KCNN2: variants seen among roughly 807,000 people sequenced by gnomAD.
KCNN2 encodes the protein potassium calcium-activated channel subfamily N member 2.
In KCNN2, 24 loss-of-function variants were observed where a neutral mutation model predicts 55.5. The observed-to-expected ratio is 0.43, with a 90% CI of 0.31 to 0.61. KCNN2 has a LOEUF of 0.61. Among genes scored for constraint, KCNN2 ranks in the 20% least tolerant of loss-of-function variants. The pLI, the probability that KCNN2 is intolerant of heterozygous loss-of-function variation, is 0.08. For missense variants in KCNN2, 754 were observed against 853.6 expected (o/e 0.88, Z 1.45); for synonymous variants, 431 against 336.1 (o/e 1.28, Z -3.09).
chr5:114,395,065 G>A (rs1333580012), intron 2 of KCNN2, among the ~76,000 whole-genome samples: 1 of 152,170 alleles, frequency 6.6e-6, no homozygotes, highest in African/African-American at 2.4e-5. Flanking sequence ...GTAAACCCAA[G>A]ATGTTTAATG....
At chr5:114,422,537 T>C (rs190295813) in intron 3 of KCNN2, among the ~76,000 whole-genome samples, 46 of 152,292 alleles carry the variant, frequency 3.0e-4, no homozygotes, top group Admixed American at 7.2e-4. Flanking sequence ...TATTCTGATA[T>C]AGCAGCTCAA....
intron 3 of KCNN2, among the ~76,000 whole-genome samples, chr5:114,414,280 T>A (rs1202471094): frequency 6.6e-6 from 1 of 152,226 alleles, no homozygotes; most frequent in Non-Finnish European, 1.5e-5. Flanking sequence ...TGTTAAGCTT[T>A]TATAACCTTA....
chr5:114,068,583 C>T (rs763499906), intron 1 of KCNN2, among the ~76,000 whole-genome samples: 9 of 152,122 alleles, frequency 5.9e-5, no homozygotes, highest in Admixed American at 2.0e-4. Flanking sequence ...TCACACATAG[C>T]ACTCACTGAT....
At chr5:114,113,780 G>A (rs1274075628) in intron 1 of KCNN2, among the ~76,000 whole-genome samples, 1 of 152,034 alleles carries the variant, frequency 6.6e-6, no homozygotes, top group African/African-American at 2.4e-5. Flanking sequence ...GTTCATCTTG[G>A]TGCCAACTTT....
At chr5:114,367,933 T>G (rs1005485501) in intron 2 of KCNN2, among the ~76,000 whole-genome samples, 9 of 152,232 alleles carry the variant, frequency 5.9e-5, no homozygotes, top group Non-Finnish European at 1.0e-4. Flanking sequence ...TCATGGGTCC[T>G]GGAAGAATGG....
At chr5:114,424,511 T>G (rs1478157460) in intron 3 of KCNN2, among the ~76,000 whole-genome samples, 2 of 152,236 alleles carry the variant, frequency 1.3e-5, no homozygotes, top group Non-Finnish European at 2.9e-5. Context: ...CTTCAGAAAC[T>G]CAGCTAGAGA....
At chr5:114,293,243 TGA>T (rs1755934849) in intron 2 of KCNN2, among the ~76,000 whole-genome samples, 1 of 152,176 alleles carries the variant, frequency 6.6e-6, no homozygotes, top group African/African-American at 2.4e-5. Flanking sequence ...ATAGGAGTGG[TGA>T]GAGAGGGCAT....
chr5:114,355,998 G>C (rs760011224), intron 2 of KCNN2, among the ~76,000 whole-genome samples: 3 of 152,098 alleles, frequency 2.0e-5, no homozygotes, highest in Non-Finnish European at 4.4e-5. Flanking sequence ...CAATAGTTAA[G>C]GATCAGAGAA....
chr5:114,385,519 G>GCGCGCACA lies in KCNN2; in HGVS notation c.1219-18918_1219-18917insGCGCACAC, dbSNP rs1458678711. Among the ~76,000 whole-genome samples, 440 of 143,448 alleles carry GCGCGCACA rather than the reference G, an allele frequency of 3.1e-3. 3 individuals carry two copies. Among genetic ancestry groups the GCGCGCACA allele is most frequent in the African/African-American group, 9.4e-3 (355 of 37,872 alleles). 94.1% of individuals were successfully genotyped at this position (143,448 alleles called of 152,430 possible). On this transcript the variant is annotated intron_variant, in intron 2 of 7. Transcript: ENST00000673685. The stretch of plus-strand genomic sequence containing the variant: ...TTATTGACAGCATACACACATGCGC[G>GCGCGCACA]CACACACACACACACACACACACAC...
intron 1 of KCNN2, among the ~76,000 whole-genome samples, chr5:114,177,001 T>C (rs1753143312): frequency 6.6e-6 from 1 of 152,166 alleles, no homozygotes; most frequent in African/African-American, 2.4e-5. Flanking sequence ...TCTTCTCATG[T>C]CTGAAAAACT....
chr5:114,135,041 G>A (rs926137254), intron 1 of KCNN2, among the ~76,000 whole-genome samples: 5 of 152,244 alleles, frequency 3.3e-5, no homozygotes, highest in African/African-American at 1.2e-4. Context: ...TTTTTAAAAG[G>A]CATAAGATGG....
chr5:114,288,822 CCTT>C (rs1349754425), intron 2 of KCNN2, among the ~76,000 whole-genome samples: 1 of 152,034 alleles, frequency 6.6e-6, no homozygotes, highest in African/African-American at 2.4e-5. Context: ...TGTCTTTTCA[CCTT>C]CTTAATAATG....
At chr5:114,228,959 CATTA>C (rs1754301168) in intron 2 of KCNN2, among the ~76,000 whole-genome samples, 1 of 151,894 alleles carries the variant, frequency 6.6e-6, no homozygotes. Context: ...ATTTTAAAAA[CATTA>C]GATTGTTTCT....
At chr5:114,058,141 G>A (rs958825296) in intron 1 of KCNN2, among the ~76,000 whole-genome samples, 21 of 152,226 alleles carry the variant, frequency 1.4e-4, no homozygotes, top group Middle Eastern at 3.4e-3. Context: ...TGAAAACCTG[G>A]AGGGACCACC....
intron 2 of KCNN2, among the ~76,000 whole-genome samples, chr5:114,267,088 C>G (rs907562206): frequency 4.0e-5 from 6 of 150,120 alleles, no homozygotes; most frequent in Non-Finnish European, 7.4e-5. Context: ...CTCCGCCTCC[C>G]AGGTTCAAGC....
At position 114,432,395 on chromosome 5, in the gene KCNN2, T is replaced by C. The variant is rs150878068; in HGVS notation, c.1637+27539T>C. Among the ~76,000 whole-genome samples the C allele has an allele frequency of 1.2e-4, 19 of 152,376 alleles. No individual in the cohort carries two copies. The East Asian group carries it at 2.1e-3, about 17-fold the overall frequency. On this transcript the variant is annotated intron_variant, in intron 3 of 7. Coordinates refer to ENST00000673685, the MANE Select transcript of KCNN2 (RefSeq NM_021614.4). ...CTGAAATTAATATAGCTACTCCAAC[T>C]TTCTTTTGATTAGTATTACCATGGT...
At chr5:114,206,650 C>T (rs953937396) in intron 1 of KCNN2, among the ~76,000 whole-genome samples, 3 of 152,144 alleles carry the variant, frequency 2.0e-5, no homozygotes, top group African/African-American at 7.2e-5. Flanking sequence ...GTCACCTTTA[C>T]TGGTCTCCTT....
intron 1 of KCNN2, among the ~76,000 whole-genome samples, chr5:114,065,865 T>G (rs1224194714): frequency 4.2e-5 from 6 of 144,082 alleles, no homozygotes; most frequent in African/African-American, 1.5e-4. Context: ...TTTTTTTTTT[T>G]TTTTTTTTTT....
At chr5:114,128,748 T>C (rs1340847141) in intron 1 of KCNN2, among the ~76,000 whole-genome samples, 1 of 152,196 alleles carries the variant, frequency 6.6e-6, no homozygotes, top group Non-Finnish European at 1.5e-5. Context: ...CTTGGGTTAA[T>C]TTCTAACTGA....
Sources: allele counts gnomAD v4.1 joint callset (sites outside exome capture counted in the v4.1 genomes callset), GRCh38; gene constraint gnomAD v4.1.1; transcripts MANE v1.5; gene names NCBI Gene and HGNC (gene_info 2026-07-23, HGNC 2026-07-21).